The following ADGRB3 variants were observed in gnomAD, a reference collection of about 807,000 sequenced individuals.
ADGRB3 encodes adhesion G protein-coupled receptor B3.
A neutral mutation model predicts 193.4 loss-of-function variants in ADGRB3; 37 were observed. The ratio of observed to expected loss-of-function variants is 0.19; its 90% CI spans 0.15 to 0.25. The LOEUF (loss-of-function observed/expected upper bound fraction) is 0.25. Among genes scored for constraint, ADGRB3 ranks in the 10% least tolerant of loss-of-function variants. The pLI, the probability that ADGRB3 is intolerant of heterozygous loss-of-function variation, is 1.00. For synonymous variants in ADGRB3, 690 were observed against 644.2 expected, an observed-to-expected ratio of 1.07 and a Z score of -1.08; for missense variants, 1,637 against 1,852.9, an observed-to-expected ratio of 0.88 and a Z score of 2.14.
At chr6:69,280,001 G>A (rs760555754) in intron 20 of ADGRB3, among the ~76,000 whole-genome samples, 11 of 152,184 alleles carry the variant, frequency 7.2e-5, no homozygotes, top group Non-Finnish European at 1.3e-4. Flanking sequence ...CGGTTGTGAG[G>A]CGTCTGCGCT....
At chr6:69,004,877 G>A (rs1215564080) in intron 11 of ADGRB3, among the ~76,000 whole-genome samples, 1 of 152,096 alleles carries the variant, frequency 6.6e-6, no homozygotes, top group Non-Finnish European at 1.5e-5. Flanking sequence ...TTTTATTGAA[G>A]GGGTCTGTGT....
In ADGRB3 at chr6:69,338,946, G is replaced by C; in HGVS notation, c.3219G>C (p.Thr1073=). The C allele has an allele frequency of 6.2e-7, 1 of 1,613,686 alleles. No homozygotes were observed. Among genetic ancestry groups the C allele is most frequent in the Non-Finnish European group, 8.5e-7 (1 of 1,179,804 alleles). The change falls in exon 25 of 32, where the codon ACG becomes ACC. Residue 1073 remains threonine (T), a synonymous_variant. Transcript: ENST00000370598. ...GQMSEPHSGL[T]LKCAKCGVVS... ...TGAGTGAGCCTCATAGCGGTTTGAC[G>C]CTCAAATGTGCCAAGTGTGGAGTAG...
intron 20 of ADGRB3, among the ~76,000 whole-genome samples, chr6:69,323,417 G>A (rs1768504678): frequency 6.6e-6 from 1 of 151,990 alleles, no homozygotes; most frequent in African/African-American, 2.4e-5. Flanking sequence ...GTCTTAATGT[G>A]TCAAGAATAG....
intron 6 of ADGRB3, among the ~76,000 whole-genome samples, chr6:68,945,637 T>A (rs971155694): frequency 3.9e-5 from 6 of 152,244 alleles, no homozygotes; most frequent in African/African-American, 1.2e-4. Flanking sequence ...AGAAACTTTT[T>A]AAATACTTTT....
chr6:68,784,773 A>G (rs1222680739), intron 3 of ADGRB3, among the ~76,000 whole-genome samples: 2 of 152,130 alleles, frequency 1.3e-5, no homozygotes, highest in African/African-American at 2.4e-5. Context: ...ACTTTCTCGT[A>G]TGCACTCATT....
chr6:68,655,664 G>A (rs973441019), intron 3 of ADGRB3, among the ~76,000 whole-genome samples: 8 of 151,604 alleles, frequency 5.3e-5, no homozygotes, highest in Non-Finnish European at 3.0e-5. Context: ...GTTAAGACAT[G>A]TCTATTCTCC....
chr6:69,177,362 A>AT (rs200437777), intron 17 of ADGRB3, among the ~76,000 whole-genome samples: 17 of 146,508 alleles, frequency 1.2e-4, no homozygotes, highest in Admixed American at 4.7e-4. Flanking sequence ...TTTTTTTTTT[A>AT]TTTTTATTTT....
intron 6 of ADGRB3, among the ~76,000 whole-genome samples, chr6:68,953,686 T>C (rs1767991882): frequency 3.9e-5 from 6 of 152,206 alleles, no homozygotes; most frequent in Admixed American, 3.9e-4. Flanking sequence ...ATTACATTAA[T>C]GGAATGATTA....
At chr6:68,789,238 T>C (rs534611076) in intron 3 of ADGRB3, among the ~76,000 whole-genome samples, 2,136 of 152,260 alleles carry the variant, frequency 0.014, 28 homozygotes, top group Non-Finnish European at 0.02. Context: ...TGATGCAGTT[T>C]CTTCCTAGCC....
intron 20 of ADGRB3, among the ~76,000 whole-genome samples, chr6:69,284,327 G>C (rs1582603868): frequency 6.6e-6 from 1 of 152,186 alleles, no homozygotes. Flanking sequence ...TTGTAGTCCA[G>C]GCTTCCTCTT....
chr6:69,226,308 A>G (rs1308098515), intron 17 of ADGRB3, among the ~76,000 whole-genome samples: 1 of 152,228 alleles, frequency 6.6e-6, no homozygotes, highest in African/African-American at 2.4e-5. Context: ...TATTTGTTGA[A>G]TAAATGAATG....
At chr6:69,249,264 C>T (rs1001889278) in intron 20 of ADGRB3, among the ~76,000 whole-genome samples, 5 of 152,146 alleles carry the variant, frequency 3.3e-5, no homozygotes, top group South Asian at 2.1e-4. Context: ...GCATGAGCCA[C>T]GGCGCCCAGC....
At chr6:69,031,553 T>TTTCTTTCTTTCTTTCTTTCTTTCTTTC (rs1554248806) in intron 13 of ADGRB3, among the ~76,000 whole-genome samples, 5,980 of 108,642 alleles carry the variant, frequency 0.055, 995 homozygotes, top group Middle Eastern at 0.078. Flanking sequence ...TTCTTTCTTT[T>TTTCTTTCTTTCTTTCTTTCTTTCTTTC]TCTTTCTTTC....
At chr6:68,679,002 A>T (rs954559928) in intron 3 of ADGRB3, among the ~76,000 whole-genome samples, 44 of 152,288 alleles carry the variant, frequency 2.9e-4, no homozygotes, top group African/African-American at 1.1e-3. Context: ...AATTCAATTT[A>T]AAAAATTTCT....
intron 3 of ADGRB3, among the ~76,000 whole-genome samples, chr6:68,884,122 A>C (rs1765828897): frequency 6.6e-6 from 1 of 152,164 alleles, no homozygotes; most frequent in Non-Finnish European, 1.5e-5. Flanking sequence ...GGTTTCCATG[A>C]TTTCCAAGGT....
intron 16 of ADGRB3, among the ~76,000 whole-genome samples, chr6:69,070,876 T>G (rs1257776061): frequency 6.6e-6 from 1 of 152,226 alleles, no homozygotes; most frequent in East Asian, 1.9e-4. Flanking sequence ...GTCATTTGTA[T>G]TGTGACATTA....
chr6:68,807,609 C>T (rs999147358), intron 3 of ADGRB3, among the ~76,000 whole-genome samples: 2 of 151,824 alleles, frequency 1.3e-5, no homozygotes, highest in African/African-American at 4.8e-5. Flanking sequence ...ATCATAAATT[C>T]CAACATAAAA....
intron 13 of ADGRB3, among the ~76,000 whole-genome samples, chr6:69,044,420 AT>A (rs368497386): frequency 5.9e-5 from 9 of 152,316 alleles, no homozygotes; most frequent in African/African-American, 1.7e-4. Flanking sequence ...CCAAAATTTC[AT>A]TATTTCCCTC....
At chr6:69,281,266 C>T (rs907067508) in intron 20 of ADGRB3, among the ~76,000 whole-genome samples, 5 of 152,198 alleles carry the variant, frequency 3.3e-5, no homozygotes, top group African/African-American at 1.2e-4. Context: ...CAGGGATAGA[C>T]TATCAGGCTC....
Sources: gnomAD v4.1 joint callset for allele counts (sites outside exome capture counted in the v4.1 genomes callset) on GRCh38, gnomAD v4.1.1 for gene constraint, MANE v1.5 for transcripts, NCBI Gene and HGNC (gene_info 2026-07-23, HGNC 2026-07-21) for gene names.